The following PDSS2 variants were observed in gnomAD, a reference collection of about 807,000 sequenced individuals.
PDSS2 encodes all trans-polyprenyl-diphosphate synthase PDSS2.
Under a neutral mutation model 44.5 loss-of-function variants are expected in PDSS2, and 31 were observed. The ratio of observed to expected loss-of-function variants is 0.70; its 90% CI spans 0.52 to 0.94. The LOEUF (loss-of-function observed/expected upper bound fraction) is 0.94. Ranked by LOEUF, PDSS2 falls within the 40% of genes least tolerant of loss-of-function variation. The probability of loss-of-function intolerance (pLI) is 0.00; values close to 1 mark genes in which losing one functional copy is unlikely to be tolerated. For missense variants in PDSS2, 452 were observed against 482.2 expected, an observed-to-expected ratio of 0.94 and a Z score of 0.59; for synonymous variants, 157 against 180.3, an observed-to-expected ratio of 0.87 and a Z score of 1.03.
intron 7 of PDSS2, among the ~76,000 whole-genome samples, chr6:107,165,029 A>C (rs1401237932): frequency 1.3e-5 from 2 of 151,808 alleles, no homozygotes; most frequent in African/African-American, 4.8e-5. Flanking sequence ...TTTTCTTGTA[A>C]ATTTGTTTGA....
chr6:107,242,466 G>A lies in PDSS2; in HGVS notation c.702+3082C>T, dbSNP rs376203391. On this transcript the variant is annotated intron_variant, in intron 4 of 7. Transcript: ENST00000369037. ...TTTTTAGTAGAGATGAGATGGTCTC[G>A]ATCTCCCGACCTCGTGATCCGCCTG... Among the ~76,000 whole-genome samples, 75 of 152,080 alleles carry A rather than the reference G, an allele frequency of 4.9e-4. No homozygotes were observed. In the East Asian group the frequency reaches 0.013, roughly 25 times the overall value.
At chr6:107,239,185 G>C (rs1284996802) in intron 4 of PDSS2, among the ~76,000 whole-genome samples, 3 of 152,122 alleles carry the variant, frequency 2.0e-5, no homozygotes, top group Non-Finnish European at 2.9e-5. Context: ...GCTGAGGCAG[G>C]AGAATCTCTT....
chr6:107,211,220 TC>T (rs1044236911), intron 5 of PDSS2, among the ~76,000 whole-genome samples: 2 of 151,530 alleles, frequency 1.3e-5, no homozygotes, highest in African/African-American at 2.4e-5. Flanking sequence ...ATGTATATAT[TC>T]CCCCCCTTAT....
intron 1 of PDSS2, among the ~76,000 whole-genome samples, chr6:107,425,609 G>C (rs889333024): frequency 6.6e-6 from 1 of 152,184 alleles, no homozygotes; most frequent in Non-Finnish European, 1.5e-5. Flanking sequence ...GCTGTTAAAC[G>C]GATTCAGTTT....
Position 107,154,794 on chromosome 6 carries a change from G to C in PDSS2, c.1042-17C>G. On this transcript the variant is annotated splice_polypyrimidine_tract_variant and intron_variant, in intron 7 of 7. Transcript: ENST00000369037. ...TTCTCGCAACTGTTAAGAAACAAAT[G>C]CATGATAAAAGTCAGTTTTAAAGGT... 6.2e-7 allele frequency: 1 copy of C among 1,613,144 alleles called. No homozygotes were observed. The highest frequency in any genetic ancestry group is 2.2e-5 in the East Asian group (1 of 44,872).
intron 6 of PDSS2, among the ~76,000 whole-genome samples, chr6:107,201,905 C>A (rs1164231650): frequency 1.3e-5 from 2 of 152,198 alleles, no homozygotes; most frequent in Non-Finnish European, 1.5e-5. Flanking sequence ...GTTGCTAACA[C>A]CTTACCACTT....
chr6:107,364,132 A>G (rs965682594), intron 1 of PDSS2, among the ~76,000 whole-genome samples: 3 of 152,260 alleles, frequency 2.0e-5, no homozygotes, highest in Non-Finnish European at 4.4e-5. Flanking sequence ...TGAGCTAGAT[A>G]TAAAGACTCT....
intron 6 of PDSS2, among the ~76,000 whole-genome samples, chr6:107,200,237 A>G (rs990664546): frequency 3.3e-5 from 5 of 152,220 alleles, no homozygotes; most frequent in African/African-American, 1.2e-4. Flanking sequence ...TGACCTGGGA[A>G]GATGGATATG....
chr6:107,457,329 C>T (rs1782077032), intron 1 of PDSS2, among the ~76,000 whole-genome samples: 1 of 152,122 alleles, frequency 6.6e-6, no homozygotes, highest in South Asian at 2.1e-4. Flanking sequence ...TTGGGAGAAA[C>T]AGGGTTAGGT....
intron 3 of PDSS2, among the ~76,000 whole-genome samples, chr6:107,249,951 T>C (rs1282353406): frequency 1.3e-5 from 2 of 152,226 alleles, no homozygotes; most frequent in African/African-American, 2.4e-5. Context: ...ATTTCTTAAA[T>C]GGTTAATTTA....
intron 1 of PDSS2, among the ~76,000 whole-genome samples, chr6:107,363,816 C>T (rs1287947348): frequency 2.0e-5 from 3 of 152,164 alleles, no homozygotes; most frequent in Non-Finnish European, 4.4e-5. Flanking sequence ...AGGTTCTCCA[C>T]GTCCACATCA....
intron 1 of PDSS2, among the ~76,000 whole-genome samples, chr6:107,404,436 C>T (rs906318025): frequency 3.9e-5 from 6 of 152,174 alleles, no homozygotes; most frequent in Non-Finnish European, 8.8e-5. Context: ...AGTACCAATT[C>T]ACTGTATTAG....
At chr6:107,236,454 C>T (rs1052920077) in intron 4 of PDSS2, among the ~76,000 whole-genome samples, 8 of 142,916 alleles carry the variant, frequency 5.6e-5, no homozygotes, top group South Asian at 2.2e-4. Flanking sequence ...GGCAACAGGG[C>T]GAGACTCTGT....
intron 1 of PDSS2, among the ~76,000 whole-genome samples, chr6:107,401,549 A>G (rs905507420): frequency 6.6e-6 from 1 of 152,212 alleles, no homozygotes; most frequent in Non-Finnish European, 1.5e-5. Context: ...AGCACAGTAC[A>G]TCTCTAGCAA....
intron 7 of PDSS2, among the ~76,000 whole-genome samples, chr6:107,191,654 C>T (rs560495126): frequency 1.3e-5 from 2 of 152,216 alleles, no homozygotes; most frequent in Non-Finnish European, 1.5e-5. Context: ...CTCTGTCACC[C>T]GGGCTGGAGT....
chr6:107,310,935 T>C (rs1777024336), intron 2 of PDSS2, among the ~76,000 whole-genome samples: 1 of 151,394 alleles, frequency 6.6e-6, no homozygotes, highest in East Asian at 1.9e-4. Context: ...TTTTTTTTTT[T>C]GAAATGAAGT....
At chr6:107,187,672 A>T (rs1275242571) in intron 7 of PDSS2, among the ~76,000 whole-genome samples, 1 of 152,048 alleles carries the variant, frequency 6.6e-6, no homozygotes, top group Non-Finnish European at 1.5e-5. Context: ...CTCAAAAAAA[A>T]AAAAAAACCT....
At chr6:107,234,689 T>G (rs1007622164) in intron 4 of PDSS2, among the ~76,000 whole-genome samples, 1 of 152,128 alleles carries the variant, frequency 6.6e-6, no homozygotes, top group Non-Finnish European at 1.5e-5. Flanking sequence ...AAAACCAGTC[T>G]TTGGCTGGCA....
intron 1 of PDSS2, among the ~76,000 whole-genome samples, chr6:107,354,777 T>A (rs1778543121): frequency 6.6e-6 from 1 of 152,196 alleles, no homozygotes; most frequent in Admixed American, 6.5e-5. Context: ...TAAAAAAAGC[T>A]GGGTCAATAT....
Sources: gnomAD v4.1 joint callset for allele counts (sites outside exome capture counted in the v4.1 genomes callset) on GRCh38, gnomAD v4.1.1 for gene constraint, MANE v1.5 for transcripts, NCBI Gene and HGNC (gene_info 2026-07-23, HGNC 2026-07-21) for gene names.